PAM: variants seen among roughly 807,000 people sequenced by gnomAD.
PAM encodes peptidyl-glycine alpha-amidating monooxygenase.
Under a neutral mutation model 122.1 loss-of-function variants are expected in PAM, and 72 were observed. The ratio of observed to expected loss-of-function variants is 0.59; its 90% CI spans 0.49 to 0.72. PAM has a LOEUF of 0.72. PAM is among the 30% of genes least tolerant of loss of function. The pLI, the probability that PAM is intolerant of heterozygous loss-of-function variation, is 0.00. For missense variants in PAM, 1,106 were observed against 1,183.7 expected (o/e 0.93, Z 0.96); for synonymous variants, 389 against 404.4 (o/e 0.96, Z 0.46).
At chr5:102,990,805 T>C (rs1773845516) in intron 16 of PAM, among the ~76,000 whole-genome samples, 1 of 152,208 alleles carries the variant, frequency 6.6e-6, no homozygotes. Flanking sequence ...AACGCACTTT[T>C]GTTATTTTCA....
chr5:102,799,350 G>A (rs1764128054), intron 1 of PAM, among the ~76,000 whole-genome samples: 1 of 152,128 alleles, frequency 6.6e-6, no homozygotes, highest in Non-Finnish European at 1.5e-5. Flanking sequence ...CCATCCAGAT[G>A]TATCAGGCTC....
intron 1 of PAM, among the ~76,000 whole-genome samples, chr5:102,851,990 G>T (rs1781447009): frequency 6.6e-6 from 1 of 152,066 alleles, no homozygotes; most frequent in South Asian, 2.1e-4. Flanking sequence ...ATTCTACTAT[G>T]CCAAAAAAGC....
At chr5:102,764,367 C>T (rs1317189330) in intron 1 of PAM, among the ~76,000 whole-genome samples, 1 of 151,876 alleles carries the variant, frequency 6.6e-6, no homozygotes, top group Non-Finnish European at 1.5e-5. Context: ...AGAATGATAG[C>T]AGAGGGTCCT....
intron 1 of PAM, among the ~76,000 whole-genome samples, chr5:102,769,900 T>C (rs1755226924): frequency 6.6e-6 from 1 of 152,108 alleles, no homozygotes; most frequent in Admixed American, 6.6e-5. Context: ...ATTTCACTGG[T>C]ATTTTGATAG....
At chr5:102,788,965 G>A (rs984025498) in intron 1 of PAM, among the ~76,000 whole-genome samples, 3 of 152,082 alleles carry the variant, frequency 2.0e-5, no homozygotes, top group Admixed American at 6.6e-5. Context: ...TGACACTAAC[G>A]GTCAGAGGCT....
Position 103,028,201 on chromosome 5 carries a change from C to G in PAM, c.2706C>G (p.Leu902=). The G allele has an allele frequency of 1.2e-6, 2 of 1,612,458 alleles. No individual in the cohort carries two copies. Among genetic ancestry groups the G allele is most frequent in the Non-Finnish European group, 1.7e-6 (2 of 1,178,752 alleles). The change falls in exon 25 of 26, where the codon CTC becomes CTG. Residue 902 remains leucine, a synonymous_variant. Transcript: ENST00000438793. ...SRAFGDSEHK[L]ETSSGRVLGR... ...TTTTAGCAGATTCTGAACACAAACT[C>G]GAGACGAGTTCAGGAAGAGTACTGG...
At chr5:102,898,032 G>A (rs1242537351) in intron 3 of PAM, among the ~76,000 whole-genome samples, 1 of 151,524 alleles carries the variant, frequency 6.6e-6, no homozygotes, top group East Asian at 1.9e-4. Context: ...GTTAAAAATG[G>A]GGAGTAATAG....
intron 1 of PAM, among the ~76,000 whole-genome samples, chr5:102,836,859 C>CAA (rs376244066): frequency 8.3e-5 from 10 of 120,786 alleles, no homozygotes; most frequent in Admixed American, 7.4e-4. Flanking sequence ...AGAAAGAAAC[C>CAA]GAGAGAGAGA....
intron 1 of PAM, among the ~76,000 whole-genome samples, chr5:102,756,755 C>G (rs1276818766): frequency 1.3e-5 from 2 of 151,556 alleles, no homozygotes; most frequent in East Asian, 4.0e-4. Flanking sequence ...CAGAGCAAGA[C>G]CCTGTCTCAA....
intron 4 of PAM, among the ~76,000 whole-genome samples, chr5:102,908,850 A>G (rs1187914778): frequency 6.6e-6 from 1 of 151,768 alleles, no homozygotes; most frequent in Non-Finnish European, 1.5e-5. Context: ...AGATAATGTA[A>G]TATGCCATTG....
chr5:102,912,915 T>TG (rs1801861857), intron 4 of PAM, among the ~76,000 whole-genome samples: 1 of 152,056 alleles, frequency 6.6e-6, no homozygotes, highest in Admixed American at 6.6e-5. Context: ...TAGTGCTATG[T>TG]TTTTGGTCAG....
intron 18 of PAM, among the ~76,000 whole-genome samples, chr5:103,006,531 G>C (rs1194291737): frequency 6.6e-6 from 1 of 152,084 alleles, no homozygotes; most frequent in Admixed American, 6.6e-5. Context: ...GACAGAACTG[G>C]GTATCCATGT....
chr5:102,860,742 G>GA (rs199899180), intron 1 of PAM, among the ~76,000 whole-genome samples: 1 of 151,872 alleles, frequency 6.6e-6, no homozygotes, highest in Non-Finnish European at 1.5e-5. Flanking sequence ...TTATAAAGGG[G>GA]AAAAAAATAG....
In PAM at chr5:103,029,379, A is replaced by G. The variant is rs1785896126; in HGVS notation, c.*314A>G. On this transcript the variant is annotated 3_prime_UTR_variant, in exon 26 of 26. Coordinates refer to ENST00000438793, the MANE Select transcript of PAM (RefSeq NM_001177306.2). ...TTTTGAGACTTTTTGGTGGATGTAA[A>G]TAACCCCATTCTTTGCTTGAACACA... is the stretch of plus-strand genomic sequence containing the variant. The G allele has an allele frequency of 4.6e-6, 1 of 219,022 alleles. No individual in the cohort carries two copies. The highest frequency in any genetic ancestry group is 8.9e-6 in the Non-Finnish European group (1 of 112,518). The allele number at this position is 219,022 out of a possible 1,614,324, so 13.6% of individuals were successfully genotyped here. A position where few individuals can be genotyped will look rare whatever the true frequency, so the allele number is the denominator to read the frequency against.
chr5:102,917,521 C>T (rs1045075849), intron 5 of PAM, among the ~76,000 whole-genome samples: 8 of 152,076 alleles, frequency 5.3e-5, no homozygotes, highest in Non-Finnish European at 1.2e-4. Flanking sequence ...AAATACAAAG[C>T]TGTTTTAAGG....
At chr5:102,876,004 A>T (rs541084443) in intron 3 of PAM, among the ~76,000 whole-genome samples, 1 of 152,328 alleles carries the variant, frequency 6.6e-6, no homozygotes, top group African/African-American at 2.4e-5. Flanking sequence ...TTCCTTAGTT[A>T]CCTATTCAGT....
intron 3 of PAM, among the ~76,000 whole-genome samples, chr5:102,883,907 G>A (rs1007881330): frequency 5.3e-5 from 8 of 151,826 alleles, no homozygotes; most frequent in Admixed American, 5.3e-4. Context: ...ATTATGCTGA[G>A]GGTTTTAAAT....
At chr5:102,932,697 TA>T (rs1405720172) in intron 7 of PAM, among the ~76,000 whole-genome samples, 13 of 151,420 alleles carry the variant, frequency 8.6e-5, no homozygotes, top group Admixed American at 5.9e-4. Flanking sequence ...TTACGTGTCT[TA>T]GGAAGTTAAA....
chr5:102,866,077 C>A lies in PAM; in HGVS notation c.-119C>A, dbSNP rs796173653. 25 of 566,090 alleles carry A rather than the reference C, an allele frequency of 4.4e-5. No individual in the cohort carries two copies. The highest frequency in any genetic ancestry group is 4.4e-4 in the African/African-American group (22 of 50,044). The allele number at this position is 566,090 out of a possible 1,614,324, so 35.1% of individuals were successfully genotyped here. ...CGGATGGTGTGTGGCCGCCGCAGGA[C>A]GCCCGCCGTGCCCGGGCCATGAAGT... On this transcript the variant is annotated 5_prime_UTR_variant, in exon 2 of 26. Transcript: ENST00000438793.
Sources: allele counts gnomAD v4.1 joint callset (sites outside exome capture counted in the v4.1 genomes callset), GRCh38; gene constraint gnomAD v4.1.1; transcripts MANE v1.5; gene names NCBI Gene and HGNC (gene_info 2026-07-23, HGNC 2026-07-21).